Variants in SLC24A2 observed in about 807,000 individuals in gnomAD.
SLC24A2 encodes the protein sodium/potassium/calcium exchanger 2.
SLC24A2 carries 36 observed loss-of-function variants against 62.0 expected under a neutral mutation model. The observed-to-expected ratio is 0.58, with a 90% CI of 0.44 to 0.77. The LOEUF is 0.77. Ranked by LOEUF, SLC24A2 falls within the 30% of genes least tolerant of loss-of-function variation. SLC24A2 has a pLI of 0.00. For synonymous variants in SLC24A2, 358 were observed against 294.0 expected (o/e 1.22, Z -2.23); for missense variants, 846 against 817.9 (o/e 1.03, Z -0.42).
chr9:20,031,183 TG>T, the SLC24A2 span, among the ~76,000 whole-genome samples: 1 of 151,092 alleles, frequency 6.6e-6, no homozygotes, highest in Non-Finnish European at 1.5e-5. Flanking sequence ...CATACATATA[TG>T]TGTAGGTGAA....
At chr9:19,527,609 A>G (rs1305202207) in intron 9 of SLC24A2, among the ~76,000 whole-genome samples, 1 of 152,216 alleles carries the variant, frequency 6.6e-6, no homozygotes, top group East Asian at 1.9e-4. Context: ...ACAATACATC[A>G]TCATTTATGT....
the SLC24A2 span, among the ~76,000 whole-genome samples, chr9:20,303,961 G>A: frequency 6.6e-6 from 1 of 152,110 alleles, no homozygotes; most frequent in African/African-American, 2.4e-5. Flanking sequence ...TCAGCCTTAC[G>A]GTCCCTAAGT....
the SLC24A2 span, among the ~76,000 whole-genome samples, chr9:20,131,937 A>C: frequency 1.6e-4 from 24 of 152,294 alleles, no homozygotes; most frequent in Non-Finnish European, 2.9e-4. Context: ...AATTTGGCAT[A>C]AATGGTAAAC....
the SLC24A2 span, among the ~76,000 whole-genome samples, chr9:19,888,279 A>G: frequency 3.3e-5 from 5 of 152,186 alleles, no homozygotes; most frequent in African/African-American, 1.2e-4. Flanking sequence ...ATTCCTAAGT[A>G]GGTGCAAATG....
Position 19,516,211 on chromosome 9 carries a change from AAC to A in SLC24A2, c.1926_1927del (p.Phe643ProfsTer45). On this transcript the variant is annotated frameshift_variant, in exon 11 of 11. Coordinates refer to ENST00000341998, the MANE Select transcript of SLC24A2 (RefSeq NM_020344.4). LOFTEE classifies it high-confidence loss of function. ...TTCTAGGAGAACGCTCACCACCAGG[AAC>A]ACAAAGTAGAGGCCAAACATGATGA... 6.2e-7 allele frequency: 1 copy of A among 1,614,234 alleles called. No homozygotes were observed. Among genetic ancestry groups the A allele is most frequent in the Non-Finnish European group, 8.5e-7 (1 of 1,180,036 alleles).
rs1270780755 is a variant in SLC24A2, at chr9:19,577,163, C to G, written c.1130-141G>C. ...CTGTCCAACCCCAATGCACCAGGACCTTCCTGAAGGGTACTTTCTTGCCTT... is the reference window on the plus strand; with the variant it reads ...CTGTCCAACCCCAATGCACCAGGACGTTCCTGAAGGGTACTTTCTTGCCTT... On this transcript the variant is annotated intron_variant, in intron 5 of 10. Coordinates refer to ENST00000341998, the MANE Select transcript of SLC24A2 (RefSeq NM_020344.4). 2.4e-5 allele frequency: 18 copies of G among 742,606 alleles called. No individual in the cohort carries two copies. In the Middle Eastern group the frequency reaches 1.2e-3, roughly 49 times the overall value. 46.0% of individuals were successfully genotyped at this position (742,606 alleles called of 1,614,324 possible). A position where few individuals can be genotyped will look rare whatever the true frequency, so the allele number is the denominator to read the frequency against.
chr9:20,147,945 G>A, the SLC24A2 span, among the ~76,000 whole-genome samples: 31,303 of 151,934 alleles, frequency 0.21, 4,981 homozygotes, highest in African/African-American at 0.42. Context: ...ATGAGGTAAT[G>A]TATAGGAGAA....
chr9:19,700,437 G>GT (rs1464058389), intron 2 of SLC24A2, among the ~76,000 whole-genome samples: 2 of 152,066 alleles, frequency 1.3e-5, no homozygotes, highest in Admixed American at 6.5e-5. Flanking sequence ...TATTTACTTT[G>GT]TTTTTTTGAT....
At chr9:19,622,036 T>C (rs1436161962) in intron 3 of SLC24A2, among the ~76,000 whole-genome samples, 1 of 152,156 alleles carries the variant, frequency 6.6e-6, no homozygotes, top group African/African-American at 2.4e-5. Flanking sequence ...AAGAGAAAAT[T>C]CAAACTTTTG....
At chr9:19,519,015 G>A (rs946200137) in intron 10 of SLC24A2, among the ~76,000 whole-genome samples, 4 of 152,086 alleles carry the variant, frequency 2.6e-5, no homozygotes, top group African/African-American at 9.7e-5. Context: ...GCATAAAGAT[G>A]TTGATCAAAA....
the SLC24A2 span, among the ~76,000 whole-genome samples, chr9:19,820,834 C>A: frequency 1.3e-5 from 2 of 152,040 alleles, no homozygotes; most frequent in Non-Finnish European, 2.9e-5. Flanking sequence ...GCTTACAAAT[C>A]TACATGTTCT....
the SLC24A2 span, among the ~76,000 whole-genome samples, chr9:19,886,959 A>G: frequency 4.6e-5 from 7 of 152,196 alleles, no homozygotes; most frequent in African/African-American, 1.2e-4. Context: ...GGAACAGAAA[A>G]CAAAACACCA....
intron 2 of SLC24A2, among the ~76,000 whole-genome samples, chr9:19,763,146 T>C (rs1822395665): frequency 6.6e-6 from 1 of 152,216 alleles, no homozygotes; most frequent in African/African-American, 2.4e-5. Flanking sequence ...GGAATGCTTG[T>C]GATTTTTGCA....
chr9:20,170,784 A>G, the SLC24A2 span, among the ~76,000 whole-genome samples: 1 of 152,056 alleles, frequency 6.6e-6, no homozygotes, highest in Non-Finnish European at 1.5e-5. Context: ...AAAGTTTGTA[A>G]AACATATTTA....
At chr9:20,247,869 G>T in the SLC24A2 span, among the ~76,000 whole-genome samples, 7 of 152,190 alleles carry the variant, frequency 4.6e-5, no homozygotes, top group Non-Finnish European at 8.8e-5. Context: ...TAACCTCTAT[G>T]AGTCTTAGTT....
the SLC24A2 span, among the ~76,000 whole-genome samples, chr9:20,110,280 G>A: frequency 1.3e-5 from 2 of 152,132 alleles, no homozygotes; most frequent in Non-Finnish European, 1.5e-5. Flanking sequence ...TAATTGACAT[G>A]TAGTATATTT....
the SLC24A2 span, among the ~76,000 whole-genome samples, chr9:20,145,464 T>C: frequency 3.3e-5 from 5 of 152,192 alleles, no homozygotes; most frequent in South Asian, 2.1e-4. Context: ...ATCTCAACAG[T>C]GAATAGTAAT....
intron 7 of SLC24A2, among the ~76,000 whole-genome samples, chr9:19,556,571 C>T (rs1835096584): frequency 1.3e-5 from 2 of 152,232 alleles, no homozygotes; most frequent in South Asian, 4.2e-4. Flanking sequence ...CTCGGAGGAT[C>T]ACCCAGGTTT....
chr9:19,513,290 A>C lies in SLC24A2; in HGVS notation c.*2863T>G, dbSNP rs1363307221. On this transcript the variant is annotated 3_prime_UTR_variant, in exon 11 of 11. Transcript: ENST00000341998. ...TGTGGAAAGTTCTTATAATTATGCC[A>C]ATGATTTGAATGGTTTAAAGACCCA... 6.6e-6 allele frequency: 1 copy of C among 151,510 alleles called. No individual in the cohort carries two copies. The highest frequency in any genetic ancestry group is 2.4e-5 in the African/African-American group (1 of 41,192). The allele number at this position is 151,510 out of a possible 1,614,324, so 9.4% of individuals were successfully genotyped here. A position where few individuals can be genotyped will look rare whatever the true frequency, so the allele number is the denominator to read the frequency against.
Sources: allele counts gnomAD v4.1 joint callset (sites outside exome capture counted in the v4.1 genomes callset), GRCh38; gene constraint gnomAD v4.1.1; transcripts MANE v1.5; gene names NCBI Gene and HGNC (gene_info 2026-07-23, HGNC 2026-07-21).